The following DLC1 variants were observed in gnomAD, a reference collection of about 807,000 sequenced individuals.
DLC1 encodes the protein rho GTPase-activating protein 7.
A neutral mutation model predicts 140.3 loss-of-function variants in DLC1; 54 were observed. The ratio of observed to expected loss-of-function variants is 0.38; its 90% CI spans 0.31 to 0.48. The LOEUF is 0.48. DLC1 is among the 20% of genes least tolerant of loss of function. The pLI, the probability that DLC1 is intolerant of heterozygous loss-of-function variation, is 0.96. For missense variants in DLC1, 2,536 were observed against 1,907.0 expected, an observed-to-expected ratio of 1.33 and a Z score of -6.14; for synonymous variants, 986 against 728.1, an observed-to-expected ratio of 1.35 and a Z score of -5.70.
intron 4 of DLC1, among the ~76,000 whole-genome samples, chr8:13,386,781 C>T (rs1416434893): frequency 6.6e-6 from 1 of 150,902 alleles, no homozygotes; most frequent in African/African-American, 2.4e-5. Flanking sequence ...AATCACTGAA[C>T]AATTTCCTTT....
chr8:13,419,013 T>C (rs1341446416), intron 2 of DLC1, among the ~76,000 whole-genome samples: 1 of 150,744 alleles, frequency 6.6e-6, no homozygotes, highest in African/African-American at 2.4e-5. Context: ...TGGCTCTCTG[T>C]TTGTCTGTTA....
chr8:13,092,122 A>G (rs1482040000), intron 13 of DLC1, among the ~76,000 whole-genome samples: 3 of 152,204 alleles, frequency 2.0e-5, no homozygotes, highest in Non-Finnish European at 4.4e-5. Flanking sequence ...GCAGGCACCT[A>G]TAGTCCCAGC....
chr8:13,173,368 CTTTTTTTTTTTT>C (rs35778236), intron 5 of DLC1, among the ~76,000 whole-genome samples: 1 of 103,510 alleles, frequency 9.7e-6, no homozygotes, highest in African/African-American at 3.8e-5. Flanking sequence ...GTTCTGCCCT[CTTTTTTTTTTTT>C]TTTTTTTTTT....
chr8:13,577,896 A>C (rs376665991), intron 1 of DLC1, among the ~76,000 whole-genome samples: 13 of 152,234 alleles, frequency 8.5e-5, no homozygotes, highest in African/African-American at 3.1e-4. Context: ...ATTGGATTTA[A>C]GGAAGCCAGT....
At chr8:13,177,294 A>G (rs1057462923) in intron 5 of DLC1, among the ~76,000 whole-genome samples, 1 of 152,134 alleles carries the variant, frequency 6.6e-6, no homozygotes, top group African/African-American at 2.4e-5. Context: ...ATTGTGCTAA[A>G]AAGTGTCAAT....
chr8:13,474,158 G>A (rs551874292), intron 2 of DLC1, among the ~76,000 whole-genome samples: 2 of 152,290 alleles, frequency 1.3e-5, no homozygotes, highest in East Asian at 3.9e-4. Flanking sequence ...CTCATGCTGT[G>A]TGCAGTCTGG....
intron 1 of DLC1, among the ~76,000 whole-genome samples, chr8:13,563,640 T>G (rs1014150804): frequency 1.3e-5 from 2 of 152,102 alleles, no homozygotes; most frequent in African/African-American, 2.4e-5. Flanking sequence ...CAATTTAATC[T>G]ATAGAGGAGA....
intron 5 of DLC1, among the ~76,000 whole-genome samples, chr8:13,131,508 T>A (rs1467841219): frequency 6.6e-6 from 1 of 152,126 alleles, no homozygotes. Flanking sequence ...CATTTGCTCA[T>A]CCATATTGGG....
At chr8:13,359,005 C>A (rs539881540) in intron 4 of DLC1, among the ~76,000 whole-genome samples, 2 of 152,066 alleles carry the variant, frequency 1.3e-5, no homozygotes, top group African/African-American at 4.8e-5. Context: ...GTGGCGCGAT[C>A]TAGGCTCACT....
chr8:13,282,483 T>C (rs930969424), intron 5 of DLC1, among the ~76,000 whole-genome samples: 3 of 152,174 alleles, frequency 2.0e-5, no homozygotes, highest in Non-Finnish European at 4.4e-5. Flanking sequence ...ACAATAATGG[T>C]ACACCAAAAA....
chr8:13,145,791 A>G (rs928158081), intron 5 of DLC1, among the ~76,000 whole-genome samples: 3 of 152,220 alleles, frequency 2.0e-5, no homozygotes, highest in East Asian at 3.8e-4. Context: ...ATAATTTTCA[A>G]TTTAATAAAA....
At chr8:13,494,679 A>G (rs1390920459) in intron 2 of DLC1, among the ~76,000 whole-genome samples, 1 of 152,182 alleles carries the variant, frequency 6.6e-6, no homozygotes, top group Non-Finnish European at 1.5e-5. Flanking sequence ...GGCCGGGCAC[A>G]GTGGCTCACA....
At chr8:13,475,221 G>A (rs917603450) in intron 2 of DLC1, among the ~76,000 whole-genome samples, 7 of 152,066 alleles carry the variant, frequency 4.6e-5, no homozygotes, top group East Asian at 1.9e-4. Flanking sequence ...TGCCTCAAAC[G>A]TTTATATCAG....
chr8:13,123,727 T>C (rs12546209), intron 5 of DLC1, among the ~76,000 whole-genome samples: 24,076 of 152,132 alleles, frequency 0.16, 2,063 homozygotes, highest in Middle Eastern at 0.23. Flanking sequence ...CTTTCCTCTT[T>C]GTAAGCTCCA....
chr8:13,491,235 C>T (rs1329355214), intron 2 of DLC1, among the ~76,000 whole-genome samples: 2 of 151,676 alleles, frequency 1.3e-5, no homozygotes, highest in East Asian at 1.9e-4. Flanking sequence ...TTGACACTCT[C>T]TAAACAAATG....
chr8:13,478,858 T>C (rs1024136808), intron 2 of DLC1, among the ~76,000 whole-genome samples: 2 of 152,262 alleles, frequency 1.3e-5, no homozygotes, highest in Non-Finnish European at 2.9e-5. Flanking sequence ...CTTTTTGTTC[T>C]TGAACCCACT....
intron 4 of DLC1, among the ~76,000 whole-genome samples, chr8:13,317,011 G>GTGAGA (rs1832885892): frequency 6.6e-6 from 1 of 151,950 alleles, no homozygotes; most frequent in Non-Finnish European, 1.5e-5. Flanking sequence ...GGAGAGTTAT[G>GTGAGA]TGAGACATGG....
In DLC1 at chr8:13,252,133, G is replaced by T. The variant is rs114579288; in HGVS notation, c.1348+53136C>A. Reference sequence around the variant, plus strand: ...ATTCTCTAATTTTGTCATTGAACTTGTCCTAAGTAACATTTTGATTAAATT... The same window carrying T: ...ATTCTCTAATTTTGTCATTGAACTTTTCCTAAGTAACATTTTGATTAAATT... On this transcript the variant is annotated intron_variant, in intron 5 of 17. Coordinates refer to ENST00000276297, the MANE Select transcript of DLC1 (RefSeq NM_182643.3). Among the ~76,000 whole-genome samples, 663 of 152,162 alleles carry T rather than the reference G, an allele frequency of 4.4e-3. 3 individuals carry two copies. Among genetic ancestry groups the T allele is most frequent in the African/African-American group, 0.015 (635 of 41,520 alleles).
chr8:13,185,781 G>C (rs1290617731), intron 5 of DLC1, among the ~76,000 whole-genome samples: 1 of 152,124 alleles, frequency 6.6e-6, no homozygotes, highest in Non-Finnish European at 1.5e-5. Flanking sequence ...GCAGTGGTTG[G>C]TACTGGTTGA....
Sources: gnomAD v4.1 joint callset for allele counts (sites outside exome capture counted in the v4.1 genomes callset) on GRCh38, gnomAD v4.1.1 for gene constraint, MANE v1.5 for transcripts, NCBI Gene and HGNC (gene_info 2026-07-23, HGNC 2026-07-21) for gene names.